ENDOV: variants seen among roughly 807,000 people sequenced by gnomAD.
ENDOV encodes endonuclease V.
Under a neutral mutation model 39.4 loss-of-function variants are expected in ENDOV, and 37 were observed. The observed-to-expected ratio is 0.94, with a 90% CI of 0.72 to 1.23. The LOEUF (loss-of-function observed/expected upper bound fraction) is 1.23. ENDOV is among the 50% of genes most tolerant of loss of function. The probability of loss-of-function intolerance (pLI) is 0.00; values close to 1 mark genes in which losing one functional copy is unlikely to be tolerated. For missense variants in ENDOV, 441 were observed against 375.7 expected (o/e 1.17, Z -1.44); for synonymous variants, 186 against 163.4 (o/e 1.14, Z -1.05).
Position 80,415,767 on chromosome 17 carries a change from G to A in ENDOV, c.174G>A (p.Gly58=), listed in dbSNP as rs531553584. ...GCGTTGACGTGTCCTTCGTGAAAGGGGACAGTGTCCGCGCTTGTGCTTCCC... is the reference window on the plus strand; with the variant it reads ...GCGTTGACGTGTCCTTCGTGAAAGGAGACAGTGTCCGCGCTTGTGCTTCCC... ...VGGVDVSFVK[G]DSVRACASLV... The change falls in exon 2 of 10, where the codon GGG becomes GGA. Residue 58 remains glycine (G), a synonymous_variant. Coordinates refer to ENST00000518137, the MANE Select transcript of ENDOV (RefSeq NM_173627.5). The A allele has an allele frequency of 5.2e-5, 83 of 1,605,612 alleles. No individual in the cohort carries two copies. Among genetic ancestry groups the A allele is most frequent in the Middle Eastern group, 1.7e-4 (1 of 5,862 alleles).
chr17:80,422,331 C>G, intron 4 of ENDOV, 86 bp downstream of exon 4: 1 of 1,523,602 alleles, frequency 6.6e-7, no homozygotes, highest in South Asian at 1.2e-5. Flanking sequence ...ACAGAAAATG[C>G]TGGGCCCTCG....
At chr17:80,418,231 AT>A (rs1357467508) in intron 2 of ENDOV, 22 of 152,156 alleles carry the variant, frequency 1.4e-4, no homozygotes, top group African/African-American at 5.3e-4. Context: ...AGTGGTATTA[AT>A]ATCCAGCTCA....
chr17:80,415,674 C>A lies in ENDOV; in HGVS notation c.81C>A (p.His27Gln), dbSNP rs779280003. ...WKREQARLKA[H>Q]VVDRDTEAWQ... ...GGGAGCAAGCTCGGCTGAAGGCCCA[C>A]GTCGTAGACCGGGACACCGAGGCGT... The change falls in exon 2 of 10, where the codon CAC becomes CAA. Residue 27 changes from histidine (H) to glutamine (Q), a missense_variant. His to Gln is a conservative substitution (Grantham distance 24, BLOSUM62 0). Transcript: ENST00000518137. 6.8e-6 allele frequency: 11 copies of A among 1,612,420 alleles called. No individual in the cohort carries two copies. The African/African-American group carries it at 1.5e-4, about 22-fold the overall frequency.
At chr17:80,430,398 T>G in intron 9 of ENDOV, 2 of 1,499,828 alleles carry the variant, frequency 1.3e-6, no homozygotes, top group Non-Finnish European at 1.8e-6. Flanking sequence ...TTTATTTATT[T>G]CCATTGATCT....
rs374236822 is a variant in ENDOV, at chr17:80,423,676, C to T, written c.516+44C>T. 94 of 1,532,004 alleles carry T rather than the reference C, an allele frequency of 6.1e-5. 1 individual carries two copies. In the African/African-American group the frequency reaches 8.0e-4, roughly 13 times the overall value. The allele number at this position is 1,532,004 out of a possible 1,614,324, so 94.9% of individuals were successfully genotyped here. On this transcript the variant is annotated intron_variant, in intron 5 of 9. Transcript: ENST00000518137. ...CAGGCCATGCCCGGCAGCTCAGTGG[C>T]GGGGCTGTGGTGGCCCTGGGCATGA...
intron 1 of ENDOV, 46 bp downstream of exon 1, chr17:80,415,296 C>G: frequency 6.3e-7 from 1 of 1,599,168 alleles, no homozygotes; most frequent in Non-Finnish European, 8.5e-7. Context: ...CGAGGCCGGG[C>G]GGCCCTTCGC....
intron 2 of ENDOV, among the ~76,000 whole-genome samples, chr17:80,421,317 C>T (rs1328717164): frequency 6.9e-6 from 1 of 144,066 alleles, no homozygotes; most frequent in Admixed American, 6.8e-5. Flanking sequence ...AGACCAGATC[C>T]CGGGGAATCC....
intron 8 of ENDOV, among the ~76,000 whole-genome samples, chr17:80,429,472 C>T (rs1017965113): frequency 6.6e-5 from 10 of 152,160 alleles, no homozygotes; most frequent in Non-Finnish European, 1.5e-4. Context: ...TGAAGGGCTG[C>T]GGTTCCTTCG....
intron 8 of ENDOV, 89 bp downstream of exon 8, chr17:80,428,749 C>A (rs2083041554): frequency 7.6e-7 from 1 of 1,308,220 alleles, no homozygotes; most frequent in Non-Finnish European, 1.1e-6. Flanking sequence ...CTCCTTGTTG[C>A]AATATTGTGG....
intron 8 of ENDOV, 81 bp downstream of exon 8, chr17:80,428,741 C>T: frequency 1.5e-6 from 2 of 1,360,336 alleles, no homozygotes; most frequent in Non-Finnish European, 2.0e-6. Context: ...CTCAGCCTCT[C>T]CTTGTTGCAA....
chr17:80,431,347 C>T (rs1325257482), intron 9 of ENDOV, among the ~76,000 whole-genome samples: 1 of 152,192 alleles, frequency 6.6e-6, no homozygotes, highest in Non-Finnish European at 1.5e-5. Context: ...GGGGCAGAGG[C>T]TCTGGAAAAG....
chr17:80,424,511 CT>C (rs1352492885), intron 5 of ENDOV, among the ~76,000 whole-genome samples: 2 of 152,234 alleles, frequency 1.3e-5, no homozygotes, highest in East Asian at 3.8e-4. Context: ...TGAACAGGGT[CT>C]TGTGGGCAGC....
At chr17:80,422,533 TCTGAC>T (rs1166256234) in intron 4 of ENDOV, among the ~76,000 whole-genome samples, 2 of 152,222 alleles carry the variant, frequency 1.3e-5, no homozygotes, top group Non-Finnish European at 2.9e-5. Flanking sequence ...ACTATCCAGT[TCTGAC>T]CTGATCACCA....
chr17:80,435,781 A>ATT (rs1300432343), intron 9 of ENDOV, among the ~76,000 whole-genome samples: 41 of 140,746 alleles, frequency 2.9e-4, no homozygotes, highest in Admixed American at 6.4e-4. Context: ...CGCCCAGCTA[A>ATT]TTTTTTTTTT....
intron 9 of ENDOV, chr17:80,430,512 G>A: frequency 1.8e-6 from 1 of 564,376 alleles, no homozygotes; most frequent in Admixed American, 3.4e-5. Context: ...AGGGGTCCTA[G>A]CTGGGGTAGC....
chr17:80,425,658 C>T, intron 7 of ENDOV, 38 bp downstream of exon 7: 1 of 1,543,664 alleles, frequency 6.5e-7, no homozygotes, highest in Non-Finnish European at 8.7e-7. Flanking sequence ...AGCACAGGCT[C>T]CTCTGCTTCC....
intron 7 of ENDOV, 144 bp from the exon 8 acceptor site, chr17:80,428,452 G>C: frequency 1.3e-6 from 1 of 767,306 alleles, no homozygotes; most frequent in Non-Finnish European, 2.1e-6. Flanking sequence ...CAGGGCCGCG[G>C]CTCCTGAGCC....
rs1398735888 is a variant in ENDOV, at chr17:80,436,181, G to A, written c.*38G>A. On this transcript the variant is annotated 3_prime_UTR_variant, in exon 10 of 10. Transcript: ENST00000518137. ...GAGCACACGTCCTCGTCTCATTCCT[G>A]ATCGAACGCGGTGGTGAGAGCACAC... The A allele has an allele frequency of 6.3e-7, 1 of 1,589,844 alleles. No homozygotes were observed.
chr17:80,428,886 C>T lies in ENDOV; in HGVS notation c.779+226C>T, dbSNP rs115126353. On this transcript the variant is annotated intron_variant, in intron 8 of 9. Transcript: ENST00000518137. ...CTCTCCAGAAACACCACTGCCTCCACGCAAAGCCCTGGAACTACGGCCCTG... is the reference window on the plus strand; with the variant it reads ...CTCTCCAGAAACACCACTGCCTCCATGCAAAGCCCTGGAACTACGGCCCTG... Among the ~76,000 whole-genome samples the T allele has an allele frequency of 3.9e-3, 587 of 152,342 alleles. 7 individuals carry two copies. Among genetic ancestry groups the T allele is most frequent in the African/African-American group, 0.013 (554 of 41,562 alleles).
Sources: gnomAD v4.1 joint callset for allele counts (sites outside exome capture counted in the v4.1 genomes callset) on GRCh38, gnomAD v4.1.1 for gene constraint, MANE v1.5 for transcripts, NCBI Gene and HGNC (gene_info 2026-07-23, HGNC 2026-07-21) for gene names.